The following TTC34 variants were observed in gnomAD, a reference collection of about 807,000 sequenced individuals.
TTC34 encodes the protein tetratricopeptide repeat domain 34.
A neutral mutation model predicts 40.7 loss-of-function variants in TTC34; 44 were observed. The ratio of observed to expected loss-of-function variants is 1.08; its 90% CI spans 0.85 to 1.39. The LOEUF is 1.39. Among genes scored for constraint, TTC34 ranks in the 40% most tolerant of loss-of-function variants. The pLI, the probability that TTC34 is intolerant of heterozygous loss-of-function variation, is 0.00. For missense variants in TTC34, 884 were observed against 838.0 expected, an observed-to-expected ratio of 1.05 and a Z score of -0.68; for synonymous variants, 422 against 398.6, an observed-to-expected ratio of 1.06 and a Z score of -0.70.
intron 6 of TTC34, among the ~76,000 whole-genome samples, chr1:2,683,296 G>A (rs1333817631): frequency 1.4e-5 from 2 of 146,146 alleles, no homozygotes; most frequent in African/African-American, 5.2e-5. Flanking sequence ...TGACAGCCTG[G>A]AACAGAATCC....
In TTC34 at chr1:2,796,575, T is replaced by C. The variant is rs1643711611; in HGVS notation, c.784+3469A>G. 6.6e-6 allele frequency among the ~76,000 whole-genome samples: 1 copy of C among 152,106 alleles called. No individual in the cohort carries two copies. The highest frequency in any genetic ancestry group is 2.1e-4 in the South Asian group (1 of 4,830). On this transcript the variant is annotated intron_variant, in intron 2 of 8. Transcript: ENST00000401095. This position sits in a 1 kb window ranked among gnomAD's most constrained non-coding sequence, Gnocchi z 4.5. ...CAAGCCTGCAACACTTGGGGGGTTCTGGATTTCTGCAGAGAGCTTTAGTGT... is the reference window on the plus strand; with the variant it reads ...CAAGCCTGCAACACTTGGGGGGTTCCGGATTTCTGCAGAGAGCTTTAGTGT...
intron 6 of TTC34, among the ~76,000 whole-genome samples, chr1:2,768,086 C>A (rs1299169932): frequency 6.6e-6 from 1 of 151,488 alleles, no homozygotes; most frequent in Non-Finnish European, 1.5e-5. Context: ...CAACCCACAT[C>A]CCCAGGTAAG....
exon 9 of TTC34, chr1:2,640,910 G>T: frequency 6.6e-6 from 1 of 152,644 alleles, no homozygotes. Flanking sequence ...GAAGCTTCTA[G>T]GATGGTCCCT....
intron 2 of TTC34, among the ~76,000 whole-genome samples, chr1:2,795,815 G>T (rs1643706082): frequency 6.6e-6 from 1 of 152,162 alleles, no homozygotes; most frequent in South Asian, 2.1e-4. Flanking sequence ...GAGGGAAAGT[G>T]GTATTTATTC....
At chr1:2,799,431 T>C (rs1421424711) in intron 2 of TTC34, among the ~76,000 whole-genome samples, 1 of 152,000 alleles carries the variant, frequency 6.6e-6, no homozygotes, top group Non-Finnish European at 1.5e-5. Flanking sequence ...TAATCCCAGT[T>C]ACTCGGGAGG....
chr1:2,653,643 T>TGAGCATCTGACAGCCTGGAACAGCAC (rs1639231406), intron 6 of TTC34, among the ~76,000 whole-genome samples: 1 of 68,226 alleles, frequency 1.5e-5, no homozygotes, highest in African/African-American at 6.1e-5. Flanking sequence ...TGGAGCAGCA[T>TGAGCATCTGACAGCCTGGAACAGCAC]CCACACCCCC....
intron 6 of TTC34, among the ~76,000 whole-genome samples, chr1:2,684,932 C>A (rs1165615117): frequency 7.4e-6 from 1 of 136,018 alleles, no homozygotes; most frequent in Non-Finnish European, 1.5e-5. Flanking sequence ...AGGTGAGCAT[C>A]CGACAGCCTG....
intron 2 of TTC34, among the ~76,000 whole-genome samples, chr1:2,797,645 G>A (rs1354313856): frequency 9.2e-5 from 14 of 152,086 alleles, no homozygotes; most frequent in Admixed American, 8.5e-4. Flanking sequence ...ACGCAGCCTC[G>A]TCTCAGGCAC....
At chr1:2,788,070 C>G (rs1375710836) in intron 3 of TTC34, among the ~76,000 whole-genome samples, 1 of 152,262 alleles carries the variant, frequency 6.6e-6, no homozygotes, top group Non-Finnish European at 1.5e-5. Context: ...AAACACATGG[C>G]TGCACCTGGC....
At chr1:2,638,124 T>C (rs1014727705) in exon 9 of TTC34, 3 of 152,142 alleles carry the variant, frequency 2.0e-5, no homozygotes, top group Admixed American at 6.5e-5. Flanking sequence ...ATGCTCATTT[T>C]ATTTAACCAC....
rs190475806 is a variant in TTC34, at chr1:2,784,040, G to A, written c.2060-265C>T. On this transcript the variant is annotated intron_variant, in intron 5 of 8. Transcript: ENST00000401095. ...ACTGCAGCTGCCTCTGAGGCCAGGCGAGGGCAGGGGGATCAGGGTAGCACT... is the reference window on the plus strand; with the variant it reads ...ACTGCAGCTGCCTCTGAGGCCAGGCAAGGGCAGGGGGATCAGGGTAGCACT... Among the ~76,000 whole-genome samples the A allele has an allele frequency of 1.3e-3, 199 of 152,286 alleles. No individual in the cohort carries two copies. In the Middle Eastern group the frequency reaches 0.017, roughly 13 times the overall value.
intron 6 of TTC34, among the ~76,000 whole-genome samples, chr1:2,683,542 A>C (rs1220154316): frequency 1.4e-5 from 2 of 148,116 alleles, no homozygotes; most frequent in Admixed American, 1.3e-4. Context: ...GGTCTGGAGC[A>C]GCACCCACAA....
At chr1:2,749,045 C>T (rs1569684746) in intron 6 of TTC34, among the ~76,000 whole-genome samples, 12 of 121,298 alleles carry the variant, frequency 9.9e-5, no homozygotes, top group South Asian at 2.8e-4. Flanking sequence ...CCCACACCCC[C>T]AGGTGAGAAT....
At chr1:2,683,532 G>T (rs1358200629) in intron 6 of TTC34, among the ~76,000 whole-genome samples, 249 of 75,406 alleles carry the variant, frequency 3.3e-3, no homozygotes, top group African/African-American at 0.013. Flanking sequence ...AGCATCTGAT[G>T]GTCTGGAGCA....
rs1160034229 is a variant in TTC34 at position 2,787,462 on chromosome 1, A to AC, written c.1854+18dup. On this transcript the variant is annotated intron_variant, in intron 4 of 8. Coordinates refer to ENST00000401095, the Ensembl canonical transcript of TTC34. ...GGCCCATTTCCACCTGCCCTCTGTC[A>AC]CCCCCCAGGCCTCCTCACCTGGTTG... 7 of 1,449,050 alleles carry AC rather than the reference A, an allele frequency of 4.8e-6. No individual in the cohort carries two copies. Among genetic ancestry groups the AC allele is most frequent in the Non-Finnish European group, 5.5e-6 (6 of 1,094,340 alleles). The allele number at this position is 1,449,050 out of a possible 1,614,324, so 89.8% of individuals were successfully genotyped here.
intron 6 of TTC34, among the ~76,000 whole-genome samples, chr1:2,751,210 T>C (rs1259357025): frequency 0.11 from 1,757 of 15,672 alleles, no homozygotes; most frequent in Middle Eastern, 0.28. Context: ...ACCCACACCC[T>C]CAGGTGAGCA....
At chr1:2,799,924 A>G (rs2100638877) in intron 2 of TTC34, 120 bp downstream of exon 2, 1 of 397,946 alleles carries the variant, frequency 2.5e-6, no homozygotes, top group East Asian at 3.6e-5. Flanking sequence ...CTTTCTTGTC[A>G]CTGAGGCACC....
In TTC34 at chr1:2,686,580, C is replaced by G. The variant is rs1356997143; in HGVS notation, c.2227-41017G>C. Among the ~76,000 whole-genome samples, 2 of 113,802 alleles carry G rather than the reference C, an allele frequency of 1.8e-5. 1 individual carries two copies. Among genetic ancestry groups the G allele is most frequent in the African/African-American group, 6.7e-5 (2 of 29,730 alleles). 74.7% of individuals were successfully genotyped at this position (113,802 alleles called of 152,430 possible). ...CGCACACACCCAGGTGAGCATCTGA[C>G]CGCCTGGAACAGCACACACACCCCC... On this transcript the variant is annotated intron_variant, in intron 6 of 8. Transcript: ENST00000401095.
chr1:2,641,983 G>A, intron 8 of TTC34, 88 bp from the exon 9 acceptor site: 2 of 1,337,990 alleles, frequency 1.5e-6, no homozygotes, highest in East Asian at 2.6e-5. Flanking sequence ...CCTCTGCACA[G>A]CCAGCTTCTG....
Sources: allele counts gnomAD v4.1 joint callset (sites outside exome capture counted in the v4.1 genomes callset), GRCh38; gene constraint gnomAD v4.1.1; non-coding constraint Gnocchi (gnomAD v3.1); transcripts MANE v1.5; gene names NCBI Gene and HGNC (gene_info 2026-07-23, HGNC 2026-07-21).